The following SEMA5A variants were observed in gnomAD, a reference collection of about 807,000 sequenced individuals.
SEMA5A encodes the protein semaphorin-5A.
A neutral mutation model predicts 135.5 loss-of-function variants in SEMA5A; 55 were observed. The observed-to-expected ratio is 0.41, with a 90% CI of 0.33 to 0.51. SEMA5A has a LOEUF of 0.51. Ranked by LOEUF, SEMA5A falls within the 20% of genes least tolerant of loss-of-function variation. The probability of loss-of-function intolerance (pLI) is 0.37; values close to 1 mark genes in which losing one functional copy is unlikely to be tolerated. For synonymous variants in SEMA5A, 580 were observed against 546.5 expected, an observed-to-expected ratio of 1.06 and a Z score of -0.85; for missense variants, 1,290 against 1,419.9, an observed-to-expected ratio of 0.91 and a Z score of 1.47.
chr5:9,287,758 A>C (rs1027325395), intron 5 of SEMA5A, among the ~76,000 whole-genome samples: 2 of 152,218 alleles, frequency 1.3e-5, no homozygotes, highest in African/African-American at 4.8e-5. Flanking sequence ...GAGCCATACC[A>C]GAGATCACGT....
At chr5:9,325,983 T>C (rs550196924) in intron 4 of SEMA5A, among the ~76,000 whole-genome samples, 18 of 152,222 alleles carry the variant, frequency 1.2e-4, no homozygotes, top group African/African-American at 3.9e-4. Context: ...GACAGAAACG[T>C]TTGTTGCTGA....
At chr5:9,150,947 G>A (rs986139382) in intron 12 of SEMA5A, among the ~76,000 whole-genome samples, 8 of 152,126 alleles carry the variant, frequency 5.3e-5, no homozygotes, top group South Asian at 4.1e-4. Flanking sequence ...GGTGGTCCTC[G>A]TTGTACCGGG....
chr5:9,400,872 A>G (rs1579480072), intron 2 of SEMA5A, among the ~76,000 whole-genome samples: 1 of 152,294 alleles, frequency 6.6e-6, no homozygotes, highest in South Asian at 2.1e-4. Flanking sequence ...TACATTATAT[A>G]CAATTATAAT....
chr5:9,183,502 T>C (rs1380348534), intron 11 of SEMA5A, among the ~76,000 whole-genome samples: 1 of 152,144 alleles, frequency 6.6e-6, no homozygotes, highest in Non-Finnish European at 1.5e-5. Flanking sequence ...CTGCTCAGCA[T>C]CAACTGGAGG....
chr5:9,303,035 C>T (rs1012211865), intron 5 of SEMA5A, among the ~76,000 whole-genome samples: 1 of 151,874 alleles, frequency 6.6e-6, no homozygotes, highest in African/African-American at 2.4e-5. Context: ...ATGGAAACAA[C>T]CACTTGCTAA....
chr5:9,036,738 G>C lies in SEMA5A; in HGVS notation c.*6159C>G, dbSNP rs1384051452. 3.3e-5 allele frequency: 5 copies of C among 152,546 alleles called. No individual in the cohort carries two copies. The highest frequency in any genetic ancestry group is 7.4e-5 in the Non-Finnish European group (5 of 68,006). The allele number at this position is 152,546 out of a possible 1,614,324, so 9.4% of individuals were successfully genotyped here. On this transcript the variant is annotated 3_prime_UTR_variant, in exon 23 of 23. Coordinates refer to ENST00000382496, the MANE Select transcript of SEMA5A (RefSeq NM_003966.3). ...TTCCTGAGTTCAAAGAGACATAGGA[G>C]AATAATTTTCTTTAAAGTAAATCCA...
At chr5:9,452,263 T>C (rs1439065177) in intron 1 of SEMA5A, among the ~76,000 whole-genome samples, 1 of 152,214 alleles carries the variant, frequency 6.6e-6, no homozygotes, top group Non-Finnish European at 1.5e-5. Flanking sequence ...CTAGCTCATA[T>C]GGCCAGAGGG....
intron 3 of SEMA5A, among the ~76,000 whole-genome samples, chr5:9,358,522 G>A (rs1040249988): frequency 2.0e-5 from 3 of 152,186 alleles, no homozygotes; most frequent in Non-Finnish European, 2.9e-5. Context: ...ATGCTGCAGC[G>A]TTCAATTTGT....
intron 5 of SEMA5A, among the ~76,000 whole-genome samples, chr5:9,250,705 C>A (rs1466549672): frequency 6.6e-6 from 1 of 151,992 alleles, no homozygotes; most frequent in Admixed American, 6.6e-5. Flanking sequence ...CAAAGTAATA[C>A]AATAATGATT....
At chr5:9,351,476 T>G (rs2150750553) in intron 3 of SEMA5A, among the ~76,000 whole-genome samples, 1 of 152,294 alleles carries the variant, frequency 6.6e-6, no homozygotes, top group East Asian at 1.9e-4. Flanking sequence ...ACCGTTTTTT[T>G]TTCAAAATTA....
chr5:9,062,333 G>A (rs985315288), intron 18 of SEMA5A, among the ~76,000 whole-genome samples: 1 of 152,076 alleles, frequency 6.6e-6, no homozygotes, highest in Admixed American at 6.5e-5. Flanking sequence ...CTGAGAGAAT[G>A]GTCTTAATAT....
chr5:9,389,187 ATC>A (rs771166376), intron 2 of SEMA5A, among the ~76,000 whole-genome samples: 13 of 151,934 alleles, frequency 8.6e-5, no homozygotes, highest in Middle Eastern at 3.4e-3. Flanking sequence ...TAACTCCCCA[ATC>A]TCTCTGTATT....
At chr5:9,412,962 T>A (rs1757156581) in intron 2 of SEMA5A, among the ~76,000 whole-genome samples, 4 of 152,228 alleles carry the variant, frequency 2.6e-5, no homozygotes, top group Admixed American at 2.6e-4. Context: ...GTACCATCCA[T>A]TAACAATCTC....
intron 12 of SEMA5A, among the ~76,000 whole-genome samples, chr5:9,153,523 G>A (rs1742750578): frequency 6.6e-6 from 1 of 152,062 alleles, no homozygotes; most frequent in African/African-American, 2.4e-5. Context: ...GTTTCCCTGT[G>A]GCTGGAGACC....
chr5:9,150,742 T>G (rs1255968096), intron 12 of SEMA5A, among the ~76,000 whole-genome samples: 1 of 152,032 alleles, frequency 6.6e-6, no homozygotes, highest in East Asian at 1.9e-4. Flanking sequence ...AAACAGAGTA[T>G]AAAACCTCCT....
intron 11 of SEMA5A, among the ~76,000 whole-genome samples, chr5:9,174,894 G>A (rs1329396462): frequency 1.3e-5 from 2 of 152,162 alleles, no homozygotes; most frequent in African/African-American, 4.8e-5. Flanking sequence ...ACAGACCTTT[G>A]AAGGCGTAAG....
chr5:9,534,922 C>T (rs779864752), intron 1 of SEMA5A, among the ~76,000 whole-genome samples: 12 of 152,202 alleles, frequency 7.9e-5, no homozygotes, highest in Non-Finnish European at 1.6e-4. Context: ...GGGCACATAA[C>T]CACAGTGAAG....
chr5:9,453,541 TG>T lies in SEMA5A; in HGVS notation c.-174-15690del, dbSNP rs147351059. ...GAAAATGCATGTGTTAGATAAGCCTTGTTCAGGCATCAATTATAGTGCTATT... is the reference window on the plus strand; with the variant it reads ...GAAAATGCATGTGTTAGATAAGCCTTTTCAGGCATCAATTATAGTGCTATT... On this transcript the variant is annotated intron_variant, in intron 1 of 22. Coordinates refer to ENST00000382496, the MANE Select transcript of SEMA5A (RefSeq NM_003966.3). 3.4e-3 allele frequency among the ~76,000 whole-genome samples: 519 copies of T among 152,334 alleles called. 4 individuals are homozygous for T. The highest frequency in any genetic ancestry group is 0.012 in the African/African-American group (490 of 41,574).
chr5:9,165,386 C>T (rs577944735), intron 11 of SEMA5A, among the ~76,000 whole-genome samples: 2 of 152,168 alleles, frequency 1.3e-5, no homozygotes, highest in South Asian at 4.1e-4. Flanking sequence ...AATCTATTAT[C>T]TGGATTCCAT....
Sources: allele counts gnomAD v4.1 joint callset (sites outside exome capture counted in the v4.1 genomes callset), GRCh38; gene constraint gnomAD v4.1.1; transcripts MANE v1.5; gene names NCBI Gene and HGNC (gene_info 2026-07-23, HGNC 2026-07-21).